The following TEKT5 variants were observed in gnomAD, a reference collection of about 807,000 sequenced individuals.
The protein encoded by TEKT5 is tektin 5.
In TEKT5, 52 loss-of-function variants were observed where a neutral mutation model predicts 48.7. The ratio of observed to expected loss-of-function variants is 1.07; its 90% CI spans 0.86 to 1.35. The LOEUF (loss-of-function observed/expected upper bound fraction) is 1.35. Ranked by LOEUF, TEKT5 falls within the 40% of genes most tolerant of loss-of-function variation. The pLI is 0.00. For synonymous variants in TEKT5, 318 were observed against 267.6 expected (o/e 1.19, Z -1.84); for missense variants, 831 against 641.6 (o/e 1.30, Z -3.19).
At chr16:10,671,857 C>T (rs1386503457) in intron 5 of TEKT5, 1 of 152,204 alleles carries the variant, frequency 6.6e-6, no homozygotes, top group Non-Finnish European at 1.5e-5. Flanking sequence ...TATTCACTAT[C>T]ACGAGAAAAG....
chr16:10,650,398 G>C (rs1898135923), intron 5 of TEKT5, among the ~76,000 whole-genome samples: 1 of 151,906 alleles, frequency 6.6e-6, no homozygotes, highest in African/African-American at 2.4e-5. Context: ...ACTGTGCCCG[G>C]TCCCCCTCCC....
chr16:10,629,180 G>A (rs1048087536), intron 6 of TEKT5, among the ~76,000 whole-genome samples: 1 of 152,148 alleles, frequency 6.6e-6, no homozygotes, highest in African/African-American at 2.4e-5. Context: ...AGAGAGTGGT[G>A]AGGGTTGCAC....
At chr16:10,659,816 G>A (rs1445126074) in intron 5 of TEKT5, among the ~76,000 whole-genome samples, 7 of 152,212 alleles carry the variant, frequency 4.6e-5, no homozygotes, top group African/African-American at 1.4e-4. Context: ...AGTTTGGGGA[G>A]GATAGATTTC....
At chr16:10,684,012 A>G (rs1036064192) in intron 3 of TEKT5, among the ~76,000 whole-genome samples, 6 of 152,268 alleles carry the variant, frequency 3.9e-5, no homozygotes, top group African/African-American at 1.4e-4. Flanking sequence ...CTAAATATTA[A>G]TACTACGTAG....
intron 5 of TEKT5, among the ~76,000 whole-genome samples, chr16:10,654,102 C>G (rs1898217836): frequency 6.6e-6 from 1 of 152,012 alleles, no homozygotes; most frequent in African/African-American, 2.4e-5. Context: ...CCAGGATGAA[C>G]TGCAGCGGCA....
chr16:10,679,681 G>A (rs933070334), intron 4 of TEKT5, among the ~76,000 whole-genome samples: 9 of 152,080 alleles, frequency 5.9e-5, no homozygotes, highest in African/African-American at 1.9e-4. Context: ...GATCACCTAA[G>A]GTCAGGAGTT....
At chr16:10,685,179 A>G (rs1898840357) in intron 3 of TEKT5, among the ~76,000 whole-genome samples, 1 of 152,020 alleles carries the variant, frequency 6.6e-6, no homozygotes, top group African/African-American at 2.4e-5. Context: ...TGCTGCCCTG[A>G]CCTGCTCTCA....
chr16:10,652,540 TAC>T (rs367639631), intron 5 of TEKT5, among the ~76,000 whole-genome samples: 12 of 14,598 alleles, frequency 8.2e-4, no homozygotes, highest in South Asian at 2.3e-3. Context: ...CAGGCAGACA[TAC>T]ACACACACAC....
At chr16:10,678,864 C>T (rs976331585) in intron 4 of TEKT5, among the ~76,000 whole-genome samples, 19 of 152,212 alleles carry the variant, frequency 1.2e-4, no homozygotes, top group African/African-American at 4.3e-4. Context: ...AGTCTGCCTC[C>T]TCAGCAGGCA....
chr16:10,638,155 T>G (rs746859645), intron 5 of TEKT5, among the ~76,000 whole-genome samples: 2 of 151,740 alleles, frequency 1.3e-5, no homozygotes, highest in African/African-American at 4.9e-5. Flanking sequence ...TGTTTGAAAC[T>G]TTCCACAACA....
At chr16:10,638,258 C>T (rs1567224925) in intron 5 of TEKT5, among the ~76,000 whole-genome samples, 2 of 151,934 alleles carry the variant, frequency 1.3e-5, no homozygotes, top group Admixed American at 1.3e-4. Context: ...TGGCCAACCA[C>T]AAACACCCGG....
Position 10,676,079 on chromosome 16 carries a change from G to A in TEKT5, c.966C>T (p.His322=). The A allele has an allele frequency of 6.2e-7, 1 of 1,614,238 alleles. No homozygotes were observed. Among genetic ancestry groups the A allele is most frequent in the African/African-American group, 1.3e-5 (1 of 75,066 alleles). ...NSIQLREEAE[H]LFETLSDQMW... is the part of the protein sequence containing the mutation. ...TCTGATCCGACAAGGTCTCAAAGAG[G>A]TGCTCCGCCTCCTCCCGCAGCTGGA... is the stretch of plus-strand genomic sequence containing the variant. The change falls in exon 5 of 7, where the codon CAC becomes CAT. Residue 322 remains histidine (H), a synonymous_variant. Coordinates refer to ENST00000283025, the MANE Select transcript of TEKT5 (RefSeq NM_144674.2).
Position 10,690,122 on chromosome 16 carries a change from T to C in TEKT5, c.565-97A>G, listed in dbSNP as rs889497462. ...TCCACCCTTGCCACAATCTGTTCCTTTCTCCCGGAAACCTGGGTGCTTCAT... is the reference window on the plus strand; with the variant it reads ...TCCACCCTTGCCACAATCTGTTCCTCTCTCCCGGAAACCTGGGTGCTTCAT... On this transcript the variant is annotated intron_variant, in intron 1 of 6. Coordinates refer to ENST00000283025, the MANE Select transcript of TEKT5 (RefSeq NM_144674.2). 3 of 1,346,334 alleles carry C rather than the reference T, an allele frequency of 2.2e-6. No individual in the cohort carries two copies. The African/African-American group carries it at 4.3e-5, about 19-fold the overall frequency. The allele number at this position is 1,346,334 out of a possible 1,614,324, so 83.4% of individuals were successfully genotyped here.
At chr16:10,632,373 C>A (rs956379525) in intron 6 of TEKT5, among the ~76,000 whole-genome samples, 3 of 152,098 alleles carry the variant, frequency 2.0e-5, no homozygotes, top group African/African-American at 7.2e-5. Context: ...TTATAGCTCA[C>A]TGCAGCCTCC....
intron 5 of TEKT5, among the ~76,000 whole-genome samples, chr16:10,651,484 C>T (rs1898154723): frequency 6.6e-6 from 1 of 152,178 alleles, no homozygotes; most frequent in East Asian, 1.9e-4. Context: ...TACACAGGAT[C>T]AATGTCTGGA....
At chr16:10,660,862 G>A (rs573903308) in intron 5 of TEKT5, among the ~76,000 whole-genome samples, 17 of 152,164 alleles carry the variant, frequency 1.1e-4, no homozygotes, top group African/African-American at 2.7e-4. Context: ...CGCCACGCAC[G>A]GCTAATTTTT....
chr16:10,650,621 C>T lies in TEKT5; in HGVS notation c.1087-14703G>A, dbSNP rs184834500. ...CACATCTGGCCAGGTGGGTGGCTCA[C>T]GCCTGTAATCCCAGCACTTTGGGAT... On this transcript the variant is annotated intron_variant, in intron 5 of 6. Transcript: ENST00000283025. Among the ~76,000 whole-genome samples, 29 of 151,956 alleles carry T rather than the reference C, an allele frequency of 1.9e-4. No homozygotes were observed. The East Asian group carries it at 3.5e-3, about 18-fold the overall frequency.
At position 10,694,564 on chromosome 16, in the gene TEKT5, C is replaced by T; in HGVS notation, c.310G>A (p.Gly104Arg). Residue 104 changes from glycine (G) to arginine (R), a missense_variant, in exon 1 of 7, where the codon GGG becomes AGG. By Grantham distance (125) the Gly-to-Arg change is moderately radical (BLOSUM62 -2). Transcript: ENST00000283025. ...GCCCACAGCCGGGAGGCCTCGGCCC[C>T]ACGCACCTGCAGCTGGTTGGACTGG... Reference protein sequence around the residue: ...WDQSNQLQVRGAEASRLWASR... With the variant: ...WDQSNQLQVRRAEASRLWASR... 6.2e-6 allele frequency: 10 copies of T among 1,602,570 alleles called. No homozygotes were observed. Among genetic ancestry groups the T allele is most frequent in the Non-Finnish European group, 8.5e-6 (10 of 1,174,262 alleles).
intron 5 of TEKT5, among the ~76,000 whole-genome samples, chr16:10,654,602 G>C (rs1201227230): frequency 6.6e-6 from 1 of 152,156 alleles, no homozygotes; most frequent in African/African-American, 2.4e-5. Flanking sequence ...CTCTGCTTTA[G>C]CTGGGACATC....
Sources: gnomAD v4.1 joint callset for allele counts (sites outside exome capture counted in the v4.1 genomes callset) on GRCh38, gnomAD v4.1.1 for gene constraint, MANE v1.5 for transcripts, NCBI Gene and HGNC (gene_info 2026-07-23, HGNC 2026-07-21) for gene names.